The following JMJD1C variants were observed in gnomAD, a reference collection of about 807,000 sequenced individuals.
JMJD1C encodes jumonji domain-containing protein 1C.
JMJD1C carries 31 observed loss-of-function variants against 245.3 expected under a neutral mutation model. The observed-to-expected ratio is 0.13, with a 90% CI of 0.09 to 0.17. JMJD1C has a LOEUF of 0.17. Ranked by LOEUF, JMJD1C falls within the 10% of genes least tolerant of loss-of-function variation. The pLI is 1.00. For missense variants in JMJD1C, 2,691 were observed against 3,000.2 expected, an observed-to-expected ratio of 0.90 and a Z score of 2.41; for synonymous variants, 1,057 against 1,017.4, an observed-to-expected ratio of 1.04 and a Z score of -0.74.
chr10:63,267,204 G>C (rs1052974940), intron 2 of JMJD1C, among the ~76,000 whole-genome samples: 4 of 152,094 alleles, frequency 2.6e-5, no homozygotes, highest in African/African-American at 9.7e-5. Flanking sequence ...TTTGTTAAAA[G>C]AAATGTTTCA....
chr10:63,383,087 G>A (rs1273992403), intron 1 of JMJD1C, among the ~76,000 whole-genome samples: 1 of 151,768 alleles, frequency 6.6e-6, no homozygotes, highest in Non-Finnish European at 1.5e-5. Flanking sequence ...TACATATAAA[G>A]TTTTTAATTA....
intron 2 of JMJD1C, among the ~76,000 whole-genome samples, chr10:63,374,169 A>G (rs1463427994): frequency 1.3e-5 from 2 of 152,216 alleles, no homozygotes; most frequent in Non-Finnish European, 2.9e-5. Context: ...CTGTAATAAT[A>G]TAAAGAAAGC....
chr10:63,219,799 C>T (rs1848401336), intron 4 of JMJD1C, 79 bp downstream of exon 4: 1 of 930,028 alleles, frequency 1.1e-6, no homozygotes, highest in Non-Finnish European at 1.7e-6. Context: ...TTATATTGCA[C>T]ACAATTGAAT....
At chr10:63,352,187 AG>A (rs1373821214) in intron 2 of JMJD1C, among the ~76,000 whole-genome samples, 4 of 152,244 alleles carry the variant, frequency 2.6e-5, no homozygotes, top group Non-Finnish European at 4.4e-5. Flanking sequence ...AACGAAATAA[AG>A]GTAAGTTTAG....
chr10:63,208,534 C>G lies in JMJD1C; in HGVS notation c.3135G>C (p.Glu1045Asp), dbSNP rs1438454995. The change falls in exon 10 of 26, where the codon GAG becomes GAC. Residue 1045 changes from glutamate to aspartate, a missense_variant. Around this residue, in one of 9 missense-constraint regions of JMJD1C, gnomAD observed 1,562 missense variants for 1,490.7 expected, o/e 1.05. Transcript: ENST00000399262. The part of the protein sequence containing the change: ...FTTKIKGLEG[E>D]RENYSRVASS... ...ATGCCACTCTGGAATAATTCTCTCT[C>G]TCACCCTCAAGTCCCTTGATTTTAG... 1 of 1,614,022 alleles carries G rather than the reference C, an allele frequency of 6.2e-7. No individual in the cohort carries two copies. Among genetic ancestry groups the G allele is most frequent in the African/African-American group, 1.3e-5 (1 of 74,934 alleles).
At chr10:63,215,807 A>G (rs372643816) in intron 5 of JMJD1C, 111 bp from the exon 6 acceptor site, 4 of 641,146 alleles carry the variant, frequency 6.2e-6, no homozygotes, top group Non-Finnish European at 4.8e-6. Context: ...TGGGATCCCT[A>G]ATTTATAAGA....
In JMJD1C at chr10:63,307,534, A is replaced by G. The variant is rs958642273; in HGVS notation, c.334-42770T>C. ...AAACAGAAAAAGCAACGGCAATTTG[A>G]TAGAAACCTGAATTCCAGCCTGACA... On this transcript the variant is annotated intron_variant, in intron 2 of 25. Transcript: ENST00000399262. Among the ~76,000 whole-genome samples the G allele has an allele frequency of 2.0e-5, 3 of 152,322 alleles. No homozygotes were observed. In the East Asian group the frequency reaches 5.8e-4, roughly 29 times the overall value.
intron 8 of JMJD1C, 85 bp from the exon 9 acceptor site, chr10:63,209,320 G>A (rs1224113994): frequency 9.0e-7 from 1 of 1,106,520 alleles, no homozygotes; most frequent in African/African-American, 1.6e-5. Flanking sequence ...AACTGGGTAT[G>A]ATCTTGGTGG....
chr10:63,362,135 T>G (rs1421233371), intron 2 of JMJD1C, among the ~76,000 whole-genome samples: 1 of 151,438 alleles, frequency 6.6e-6, no homozygotes, highest in Admixed American at 6.6e-5. Context: ...CTAGGGGTGC[T>G]GAGGCAGGAG....
chr10:63,195,679 G>A (rs1466086121), intron 13 of JMJD1C, among the ~76,000 whole-genome samples: 3 of 152,060 alleles, frequency 2.0e-5, no homozygotes, highest in African/African-American at 4.8e-5. Flanking sequence ...GGTGGCTCAC[G>A]CTTGTAATCC....
At chr10:63,352,299 A>T (rs948055208) in intron 2 of JMJD1C, among the ~76,000 whole-genome samples, 2 of 152,194 alleles carry the variant, frequency 1.3e-5, no homozygotes, top group Admixed American at 6.5e-5. Context: ...TCAAAAAGCA[A>T]TGAATTGATA....
In JMJD1C at chr10:63,263,264, C is replaced by A. The variant is rs1328032251; in HGVS notation, c.447+1387G>T. On this transcript the variant is annotated intron_variant, in intron 3 of 25. Coordinates refer to ENST00000399262, the MANE Select transcript of JMJD1C (RefSeq NM_032776.3). ...GGTCCTTTAAAGAAACAAGAAAAAT[C>A]AAGTGGAAAGACAAGAGCACATCTA... is the stretch of plus-strand genomic sequence containing the variant. Among the ~76,000 whole-genome samples, 5 of 152,190 alleles carry A rather than the reference C, an allele frequency of 3.3e-5. No individual in the cohort carries two copies. In the East Asian group the frequency reaches 7.7e-4, roughly 23 times the overall value.
chr10:63,281,245 C>T (rs373777557), intron 2 of JMJD1C, among the ~76,000 whole-genome samples: 81 of 151,696 alleles, frequency 5.3e-4, no homozygotes, highest in African/African-American at 1.9e-3. Flanking sequence ...AGCAATTCTC[C>T]CGCCTCAGCC....
intron 13 of JMJD1C, 55 bp downstream of exon 13, chr10:63,197,356 T>G (rs532439007): frequency 2.8e-6 from 4 of 1,410,950 alleles, no homozygotes; most frequent in South Asian, 1.3e-5. Context: ...TCTAGAAGAG[T>G]GATCCTAAAG....
chr10:63,346,329 A>C (rs1230286274), intron 2 of JMJD1C, among the ~76,000 whole-genome samples: 1 of 152,250 alleles, frequency 6.6e-6, no homozygotes, highest in Non-Finnish European at 1.5e-5. Context: ...AATGAAGAGG[A>C]GGCTCTAAAG....
At chr10:63,484,189 G>C (rs1244244359) in intron 1 of JMJD1C, among the ~76,000 whole-genome samples, 4 of 107,176 alleles carry the variant, frequency 3.7e-5, no homozygotes, top group Non-Finnish European at 7.2e-5. Context: ...AGCACCTTGG[G>C]ATGGATGGAT....
chr10:63,379,243 T>A (rs1947020477), intron 2 of JMJD1C, among the ~76,000 whole-genome samples: 1 of 152,146 alleles, frequency 6.6e-6, no homozygotes, highest in Non-Finnish European at 1.5e-5. Flanking sequence ...CCCTAACTCA[T>A]TAGTTATATC....
rs1847854376 is a variant in JMJD1C, at chr10:63,215,331, C to A, written c.947G>T (p.Gly316Val). 5 of 1,613,766 alleles carry A rather than the reference C, an allele frequency of 3.1e-6. No homozygotes were observed. The highest frequency in any genetic ancestry group is 2.7e-5 in the African/African-American group (2 of 74,812). Residue 316 changes from glycine to valine, a missense_variant, in exon 7 of 26, where the codon GGC becomes GTC. Physicochemically the swap from Gly to Val is moderately radical, Grantham distance 109 (BLOSUM62 -3). This residue lies in a region of JMJD1C where 1,562 missense variants were observed against 1,490.7 expected (regional missense o/e 1.05). Coordinates refer to ENST00000399262, the MANE Select transcript of JMJD1C (RefSeq NM_032776.3). ...TTCATCTGGTATACTGCTATCTGAG[C>A]CCTTCCTCTTATTTGGACGGATACT... ...QRSIRPNKRK[G>V]SDSSIPDEEK...
At chr10:63,331,283 T>A (rs924253068) in intron 2 of JMJD1C, among the ~76,000 whole-genome samples, 8 of 152,292 alleles carry the variant, frequency 5.3e-5, no homozygotes, top group Admixed American at 5.2e-4. Flanking sequence ...ATATGTCCAA[T>A]CCTCTGTTAA....
Sources: allele counts gnomAD v4.1 joint callset (sites outside exome capture counted in the v4.1 genomes callset), GRCh38; gene constraint gnomAD v4.1.1; regional missense constraint gnomAD v4.1.1; transcripts MANE v1.5; gene names NCBI Gene and HGNC (gene_info 2026-07-23, HGNC 2026-07-21).